TNFRSF9: variants seen among roughly 807,000 people sequenced by gnomAD.
TNFRSF9 encodes tumor necrosis factor receptor superfamily member 9.
In TNFRSF9, 16 loss-of-function variants were observed where a neutral mutation model predicts 28.8. The observed-to-expected ratio is 0.55, with a 90% CI of 0.38 to 0.84. The LOEUF (loss-of-function observed/expected upper bound fraction) is 0.84. Ranked by LOEUF, TNFRSF9 falls within the 40% of genes least tolerant of loss-of-function variation. TNFRSF9 has a pLI of 0.00. For synonymous variants in TNFRSF9, 131 were observed against 117.0 expected, an observed-to-expected ratio of 1.12 and a Z score of -0.77; for missense variants, 303 against 315.0, an observed-to-expected ratio of 0.96 and a Z score of 0.29.
At chr1:7,939,573 C>G (rs1578079061) in intron 2 of TNFRSF9, among the ~76,000 whole-genome samples, 2 of 152,160 alleles carry the variant, frequency 1.3e-5, no homozygotes, top group African/African-American at 4.8e-5. Flanking sequence ...CCAGTCGGAG[C>G]ACAAAGCCCT....
At chr1:7,939,347 CA>C (rs1234439979) in intron 2 of TNFRSF9, among the ~76,000 whole-genome samples, 3 of 146,546 alleles carry the variant, frequency 2.0e-5, no homozygotes, top group Admixed American at 6.8e-5. Flanking sequence ...CATACACACA[CA>C]AAAAAAACAA....
intron 7 of TNFRSF9, among the ~76,000 whole-genome samples, chr1:7,931,681 G>T (rs578225469): frequency 6.6e-6 from 1 of 152,164 alleles, no homozygotes; most frequent in Admixed American, 6.5e-5. Flanking sequence ...CAAGGGCTTC[G>T]GGAATGAGTT....
chr1:7,939,228 G>A (rs528876580), intron 2 of TNFRSF9, among the ~76,000 whole-genome samples: 1 of 151,534 alleles, frequency 6.6e-6, no homozygotes, highest in Non-Finnish European at 1.5e-5. Context: ...GCTGAGGCAG[G>A]AGAATTGCTT....
rs181919348 is a variant in TNFRSF9 at position 7,934,295 on chromosome 1, T to A, written c.544+718A>T. Among the ~76,000 whole-genome samples, 106 of 150,128 alleles carry A rather than the reference T, an allele frequency of 7.1e-4. No individual in the cohort carries two copies. The East Asian group carries it at 0.019, about 27-fold the overall frequency. ...GGGAGGCTGAGGTGGGAGGATTGGT[T>A]GAGCACAGGAGGTGGAGGTTGCAGT... On this transcript the variant is annotated intron_variant, in intron 6 of 7. Transcript: ENST00000377507.
intron 7 of TNFRSF9, 27 bp from the exon 8 acceptor site, chr1:7,920,950 T>G: frequency 4.8e-6 from 7 of 1,453,266 alleles, no homozygotes; most frequent in Non-Finnish European, 6.8e-6. Flanking sequence ...AAGATACGTA[T>G]ATTTTGTTGT....
rs1237365114 is a variant in TNFRSF9, at chr1:7,918,341, C to A, written c.*2494G>T. On this transcript the variant is annotated 3_prime_UTR_variant, in exon 8 of 8. Transcript: ENST00000377507. ...TGACCAAAGATTATTATCTAGAATA[C>A]ATAAAGACCTTTTAGGAATCAGGAC... 1 of 152,068 alleles carries A rather than the reference C, an allele frequency of 6.6e-6. No individual in the cohort carries two copies. The highest frequency in any genetic ancestry group is 6.6e-5 in the Admixed American group (1 of 15,236). 9.4% of individuals were successfully genotyped at this position (152,068 alleles called of 1,614,324 possible).
At chr1:7,933,490 A>C (rs947116676) in intron 6 of TNFRSF9, among the ~76,000 whole-genome samples, 194 bp from the exon 7 acceptor site, 10 of 152,112 alleles carry the variant, frequency 6.6e-5, no homozygotes, top group Non-Finnish European at 1.5e-5. Context: ...TAATCCCAAC[A>C]CTTTGGAAGG....
At chr1:7,923,809 G>A (rs1002825477) in intron 7 of TNFRSF9, among the ~76,000 whole-genome samples, 7 of 152,090 alleles carry the variant, frequency 4.6e-5, no homozygotes, top group South Asian at 2.1e-4. Flanking sequence ...CTGCACTCCC[G>A]CCTGGGTAAT....
At chr1:7,936,418 AAAAC>A (rs9657973) in intron 5 of TNFRSF9, 159 of 159,022 alleles carry the variant, frequency 1.0e-3, no homozygotes, top group Non-Finnish European at 1.6e-3. Context: ...ACTCCATCTC[AAAAC>A]AAACAAACAA....
rs533366334 is a variant in TNFRSF9, at chr1:7,919,000, A to G, written c.*1835T>C. The G allele has an allele frequency of 5.9e-5, 9 of 152,124 alleles. No homozygotes were observed. The highest frequency in any genetic ancestry group is 7.3e-5 in the Non-Finnish European group (5 of 68,038). 9.4% of individuals were successfully genotyped at this position (152,124 alleles called of 1,614,324 possible). A position where few individuals can be genotyped will look rare whatever the true frequency, so the allele number is the denominator to read the frequency against. On this transcript the variant is annotated 3_prime_UTR_variant, in exon 8 of 8. Coordinates refer to ENST00000377507, the MANE Select transcript of TNFRSF9 (RefSeq NM_001561.6). ...ATCTTCTCCTCACCCCTATTTACAG[A>G]ATATACTTTTCTGCCCTATTGATGC...
chr1:7,920,961 C>A, intron 7 of TNFRSF9, 38 bp from the exon 8 acceptor site: 1 of 1,381,338 alleles, frequency 7.2e-7, no homozygotes, highest in African/African-American at 1.4e-5. Context: ...ATTTTGTTGT[C>A]TATTTGAATC....
chr1:7,919,042 A>G lies in TNFRSF9; in HGVS notation c.*1793T>C, dbSNP rs1252733825. The G allele has an allele frequency of 2.0e-5, 3 of 152,180 alleles. No individual in the cohort carries two copies. The highest frequency in any genetic ancestry group is 7.2e-5 in the African/African-American group (3 of 41,456). 9.4% of individuals were successfully genotyped at this position (152,180 alleles called of 1,614,324 possible). On this transcript the variant is annotated 3_prime_UTR_variant, in exon 8 of 8. Transcript: ENST00000377507. Reference sequence around the variant, plus strand: ...TATTGATGCCTGGCTTGGCTGCAGGATTTGCTCTAAAGGTTATAGTAGAAC... The same window carrying G: ...TATTGATGCCTGGCTTGGCTGCAGGGTTTGCTCTAAAGGTTATAGTAGAAC...
chr1:7,926,610 A>G (rs1639659851), intron 7 of TNFRSF9, among the ~76,000 whole-genome samples: 1 of 152,238 alleles, frequency 6.6e-6, no homozygotes, highest in Non-Finnish European at 1.5e-5. Flanking sequence ...AAGGAACTAG[A>G]ATAGATAAAA....
At chr1:7,933,360 T>C in intron 6 of TNFRSF9, 64 bp from the exon 7 acceptor site, 2 of 1,512,560 alleles carry the variant, frequency 1.3e-6, no homozygotes, top group Non-Finnish European at 1.8e-6. Context: ...CACCCATGTA[T>C]ATATTTACAT....
intron 6 of TNFRSF9, among the ~76,000 whole-genome samples, chr1:7,934,201 C>A (rs965770358): frequency 2.0e-5 from 3 of 151,860 alleles, no homozygotes; most frequent in African/African-American, 7.3e-5. Context: ...CATAGCAAGA[C>A]CCCGACTCTG....
At chr1:7,920,967 G>T in intron 7 of TNFRSF9, 44 bp from the exon 8 acceptor site, 1 of 1,327,930 alleles carries the variant, frequency 7.5e-7, no homozygotes, top group South Asian at 1.2e-5. Flanking sequence ...TTGTCTATTT[G>T]AATCATTTAA....
rs1483259220 is a variant in TNFRSF9, at chr1:7,918,066, C to G, written c.*2769G>C. 3 of 152,022 alleles carry G rather than the reference C, an allele frequency of 2.0e-5. No homozygotes were observed. The highest frequency in any genetic ancestry group is 4.8e-5 in the African/African-American group (2 of 41,350). 9.4% of individuals were successfully genotyped at this position (152,022 alleles called of 1,614,324 possible). A position where few individuals can be genotyped will look rare whatever the true frequency, so the allele number is the denominator to read the frequency against. ...TGGCACAATCTTGGCTCGCTGCAACCTCTGCCTCCTGGGTTCAAGCGATTC... is the reference window on the plus strand; with the variant it reads ...TGGCACAATCTTGGCTCGCTGCAACGTCTGCCTCCTGGGTTCAAGCGATTC... On this transcript the variant is annotated 3_prime_UTR_variant, in exon 8 of 8. Transcript: ENST00000377507.
intron 7 of TNFRSF9, among the ~76,000 whole-genome samples, chr1:7,932,816 G>C (rs1178499871): frequency 1.3e-5 from 2 of 152,014 alleles, no homozygotes; most frequent in Non-Finnish European, 2.9e-5. Context: ...TAGAACCGAG[G>C]TGTGCTCTTC....
rs982741606 is a variant in TNFRSF9 at position 7,933,033 on chromosome 1, T to C, written c.679+129A>G. On this transcript the variant is annotated intron_variant, in intron 7 of 7. Coordinates refer to ENST00000377507, the MANE Select transcript of TNFRSF9 (RefSeq NM_001561.6). Reference sequence around the variant, plus strand: ...ACTGCAAATATTCCCAGGGACGAAATTGCCCCTGCGTGATAGCCACGGGGC... The same window carrying C: ...ACTGCAAATATTCCCAGGGACGAAACTGCCCCTGCGTGATAGCCACGGGGC... The C allele has an allele frequency of 9.8e-6, 11 of 1,122,026 alleles. No homozygotes were observed. The African/African-American group carries it at 1.6e-4, about 16-fold the overall frequency. The allele number at this position is 1,122,026 out of a possible 1,614,324, so 69.5% of individuals were successfully genotyped here.
Sources: gnomAD v4.1 joint callset for allele counts (sites outside exome capture counted in the v4.1 genomes callset) on GRCh38, gnomAD v4.1.1 for gene constraint, MANE v1.5 for transcripts, NCBI Gene and HGNC (gene_info 2026-07-23, HGNC 2026-07-21) for gene names.